CNTNAP2: variants seen among roughly 807,000 people sequenced by gnomAD.
The protein encoded by CNTNAP2 is contactin-associated protein-like 2.
A neutral mutation model predicts 155.2 loss-of-function variants in CNTNAP2; 98 were observed. The ratio of observed to expected loss-of-function variants is 0.63; its 90% CI spans 0.54 to 0.75. The LOEUF is 0.75. Ranked by LOEUF, CNTNAP2 falls within the 30% of genes least tolerant of loss-of-function variation. CNTNAP2 has a pLI of 0.00. For missense variants in CNTNAP2, 1,727 were observed against 1,688.1 expected, an observed-to-expected ratio of 1.02 and a Z score of -0.40; for synonymous variants, 651 against 631.2, an observed-to-expected ratio of 1.03 and a Z score of -0.47.
chr7:146,760,409 C>CTTTTTTTTTTTTTTTTTGTTTTT (rs1802074641), intron 1 of CNTNAP2, among the ~76,000 whole-genome samples: 1 of 56,276 alleles, frequency 1.8e-5, no homozygotes, highest in Non-Finnish European at 3.0e-5. Flanking sequence ...TCCAATTTAC[C>CTTTTTTTTTTTTTTTTTGTTTTT]TTTTTTTTTT....
chr7:146,286,464 A>G (rs776803396), intron 1 of CNTNAP2, among the ~76,000 whole-genome samples: 25 of 152,152 alleles, frequency 1.6e-4, no homozygotes, highest in Non-Finnish European at 2.9e-4. Flanking sequence ...TGCAGAGACC[A>G]GTCTACCTTT....
chr7:147,614,548 T>C (rs1363867567), intron 12 of CNTNAP2, among the ~76,000 whole-genome samples: 5 of 151,818 alleles, frequency 3.3e-5, no homozygotes, highest in Non-Finnish European at 7.4e-5. Context: ...CTGTAGACTT[T>C]TCTAACAGGT....
intron 1 of CNTNAP2, among the ~76,000 whole-genome samples, chr7:146,357,259 A>G (rs1390237074): frequency 6.6e-6 from 1 of 150,516 alleles, no homozygotes; most frequent in African/African-American, 2.5e-5. Context: ...AAAGAGGTCG[A>G]AACAAAATAA....
chr7:148,317,393 G>A (rs1476361885), intron 21 of CNTNAP2, among the ~76,000 whole-genome samples: 1 of 151,996 alleles, frequency 6.6e-6, no homozygotes, highest in Non-Finnish European at 1.5e-5. Context: ...TTTTGAGGAA[G>A]CATACTAGAA....
intron 2 of CNTNAP2, among the ~76,000 whole-genome samples, chr7:146,798,725 A>C (rs1802815590): frequency 6.6e-6 from 1 of 152,174 alleles, no homozygotes; most frequent in Non-Finnish European, 1.5e-5. Context: ...TAATACAATA[A>C]GTTTTATTTA....
chr7:146,438,133 T>C (rs1796269904), intron 1 of CNTNAP2, among the ~76,000 whole-genome samples: 1 of 151,494 alleles, frequency 6.6e-6, no homozygotes, highest in African/African-American at 2.5e-5. Context: ...CTATACATTA[T>C]ACATATGTAT....
At chr7:146,226,308 A>T (rs1333499927) in intron 1 of CNTNAP2, among the ~76,000 whole-genome samples, 1 of 152,126 alleles carries the variant, frequency 6.6e-6, no homozygotes, top group Non-Finnish European at 1.5e-5. Context: ...TTTATATGGG[A>T]TGGTAAAGTT....
At chr7:146,896,673 C>A (rs888025864) in intron 3 of CNTNAP2, among the ~76,000 whole-genome samples, 1 of 151,444 alleles carries the variant, frequency 6.6e-6, no homozygotes, top group Non-Finnish European at 1.5e-5. Flanking sequence ...ACTTTTGCAC[C>A]GACCTAATAG....
chr7:148,356,023 T>C (rs997883838), intron 21 of CNTNAP2, among the ~76,000 whole-genome samples: 2 of 152,228 alleles, frequency 1.3e-5, no homozygotes, highest in Non-Finnish European at 2.9e-5. Flanking sequence ...CTTCTAGTAT[T>C]CTTATTTTAT....
chr7:147,313,493 T>C (rs947946137), intron 9 of CNTNAP2, among the ~76,000 whole-genome samples: 2 of 150,288 alleles, frequency 1.3e-5, no homozygotes, highest in African/African-American at 4.9e-5. Flanking sequence ...CTAGCCAGTT[T>C]TCCCAGCACC....
intron 21 of CNTNAP2, among the ~76,000 whole-genome samples, chr7:148,296,690 GCAATAGATCCTC>G (rs1357470597): frequency 6.6e-6 from 1 of 152,076 alleles, no homozygotes; most frequent in Non-Finnish European, 1.5e-5. Flanking sequence ...TATGAGCACT[GCAATAGATCCTC>G]CCACACGATG....
chr7:146,842,994 C>CTTTTTT (rs35387068), intron 3 of CNTNAP2, among the ~76,000 whole-genome samples: 276 of 13,664 alleles, frequency 0.02, 88 homozygotes, highest in East Asian at 0.038. Context: ...CTGTCCCACA[C>CTTTTTT]TTTTTTTTTT....
At chr7:147,548,031 AT>A (rs1799777117) in intron 11 of CNTNAP2, among the ~76,000 whole-genome samples, 2 of 152,052 alleles carry the variant, frequency 1.3e-5, no homozygotes, top group Non-Finnish European at 2.9e-5. Flanking sequence ...GGTTGGTTCT[AT>A]GTCTTTGCTA....
intron 4 of CNTNAP2, among the ~76,000 whole-genome samples, chr7:147,080,749 G>A (rs181634913): frequency 2.7e-5 from 4 of 149,158 alleles, no homozygotes; most frequent in East Asian, 1.9e-4. Context: ...TCAATCCTGA[G>A]CTATTTTTTA....
intron 11 of CNTNAP2, chr7:147,496,782 GTATTTTT>G (rs1284692180): frequency 6.9e-6 from 1 of 145,206 alleles, no homozygotes; most frequent in Non-Finnish European, 1.5e-5. Context: ...ATTGGTTCCC[GTATTTTT>G]TATTTTTTAT....
intron 14 of CNTNAP2, among the ~76,000 whole-genome samples, chr7:147,963,668 G>T (rs1192472880): frequency 6.6e-6 from 1 of 152,020 alleles, no homozygotes; most frequent in Non-Finnish European, 1.5e-5. Flanking sequence ...CAGTAACTTG[G>T]ACTCTTTTGT....
In CNTNAP2 at chr7:147,368,145, CA is replaced by C. The variant is rs1796276483; in HGVS notation, c.1499-27463del. ...ACACACACACACAAATATACACCATCAGTGAGAAGTATCATGCCAGAATCCC... is the reference window on the plus strand; with the variant it reads ...ACACACACACACAAATATACACCATCGTGAGAAGTATCATGCCAGAATCCC... On this transcript the variant is annotated intron_variant, in intron 9 of 23. Transcript: ENST00000361727. Among the ~76,000 whole-genome samples, 9 of 146,972 alleles carry C rather than the reference CA, an allele frequency of 6.1e-5. No homozygotes were observed. In the Admixed American group the frequency reaches 6.2e-4, roughly 10 times the overall value.
chr7:148,365,103 G>A (rs1798713293), intron 21 of CNTNAP2, among the ~76,000 whole-genome samples: 1 of 152,162 alleles, frequency 6.6e-6, no homozygotes, highest in South Asian at 2.1e-4. Context: ...GAACCCACCA[G>A]TTCCGGACAC....
intron 8 of CNTNAP2, among the ~76,000 whole-genome samples, chr7:147,257,713 C>T (rs1427270741): frequency 6.6e-6 from 1 of 151,984 alleles, no homozygotes; most frequent in Non-Finnish European, 1.5e-5. Context: ...AATAAGGGAC[C>T]CTCTGTGTGA....
Sources: allele counts gnomAD v4.1 joint callset (sites outside exome capture counted in the v4.1 genomes callset), GRCh38; gene constraint gnomAD v4.1.1; transcripts MANE v1.5; gene names NCBI Gene and HGNC (gene_info 2026-07-23, HGNC 2026-07-21).